Variants in RRN3 observed in about 807,000 individuals in gnomAD.
The protein encoded by RRN3 is RNA polymerase I-specific transcription initiation factor RRN3.
A neutral mutation model predicts 82.3 loss-of-function variants in RRN3; 38 were observed. That is an observed-to-expected ratio of 0.46 (90% confidence interval 0.36 to 0.61). The LOEUF (loss-of-function observed/expected upper bound fraction) is 0.61, where lower values mean the gene tolerates loss of function less well. Ranked by LOEUF, RRN3 falls within the 20% of genes least tolerant of loss-of-function variation. The pLI is 0.00. For synonymous variants in RRN3, 284 were observed against 284.3 expected (o/e 1.00, Z 0.01); for missense variants, 726 against 793.1 (o/e 0.92, Z 1.02).
At chr16:15,072,889 G>C in intron 12 of RRN3, 61 bp downstream of exon 12, 2 of 1,576,198 alleles carry the variant, frequency 1.3e-6, no homozygotes, top group Non-Finnish European at 1.7e-6. Flanking sequence ...CCAGTTTTTA[G>C]GGAAAATTTT....
Position 15,060,140 on chromosome 16 carries a change from CAG to C in RRN3, c.*1602_*1603del, listed in dbSNP as rs759889779. On this transcript the variant is annotated 3_prime_UTR_variant, in exon 18 of 18. Transcript: ENST00000198767. Reference sequence around the variant, plus strand: ...TTTCACAAACTCCTTTGAAATTAAACAGACTTATATGTAAATGTCTTTCTACA... The same window carrying C: ...TTTCACAAACTCCTTTGAAATTAAACACTTATATGTAAATGTCTTTCTACA... The C allele has an allele frequency of 5.5e-6, 2 of 365,174 alleles. No individual in the cohort carries two copies. The highest frequency in any genetic ancestry group is 2.2e-5 in the South Asian group (1 of 44,758). 22.6% of individuals were successfully genotyped at this position (365,174 alleles called of 1,614,324 possible). A position where few individuals can be genotyped will look rare whatever the true frequency, so the allele number is the denominator to read the frequency against.
At chr16:15,071,908 A>AT (rs1218394641) in intron 12 of RRN3, among the ~76,000 whole-genome samples, 1 of 152,232 alleles carries the variant, frequency 6.6e-6, no homozygotes, top group East Asian at 1.9e-4. Flanking sequence ...GTGACCAACA[A>AT]TAATTCACAT....
chr16:15,073,366 T>G (rs1312285061), intron 11 of RRN3, among the ~76,000 whole-genome samples: 1 of 152,128 alleles, frequency 6.6e-6, no homozygotes, highest in Non-Finnish European at 1.5e-5. Context: ...CTGAGGCGGA[T>G]GAACCGCTTG....
At chr16:15,070,437 C>G (rs2045175116) in intron 13 of RRN3, among the ~76,000 whole-genome samples, 183 bp from the exon 14 acceptor site, 1 of 151,696 alleles carries the variant, frequency 6.6e-6, no homozygotes, top group African/African-American at 2.4e-5. Flanking sequence ...CGTAGGAAGA[C>G]AACCTTCCAA....
intron 9 of RRN3, among the ~76,000 whole-genome samples, chr16:15,079,171 A>ACC (rs111707572): frequency 5.3e-5 from 8 of 151,536 alleles, no homozygotes; most frequent in South Asian, 2.1e-4. Flanking sequence ...ACAGGGAGCA[A>ACC]AGTTGAAGGA....
At chr16:15,074,056 A>G (rs544392788) in intron 11 of RRN3, among the ~76,000 whole-genome samples, 1 of 152,400 alleles carries the variant, frequency 6.6e-6, no homozygotes, top group East Asian at 1.9e-4. Flanking sequence ...AAAAAAGTCA[A>G]ACTTCAAAAT....
intron 8 of RRN3, among the ~76,000 whole-genome samples, chr16:15,080,319 GTTT>G (rs1476897440): frequency 6.6e-6 from 1 of 152,082 alleles, no homozygotes; most frequent in Non-Finnish European, 1.5e-5. Flanking sequence ...ATAACTATAG[GTTT>G]TTAAGTAGCT....
At chr16:15,065,851 C>A (rs1488154914) in intron 15 of RRN3, among the ~76,000 whole-genome samples, 5 of 152,118 alleles carry the variant, frequency 3.3e-5, no homozygotes, top group Non-Finnish European at 2.9e-5. Flanking sequence ...AAGAAATAAG[C>A]CTTTACTGAA....
chr16:15,076,534 C>T lies in RRN3; in HGVS notation c.858+24G>A, dbSNP rs757647261. 13 of 1,469,132 alleles carry T rather than the reference C, an allele frequency of 8.8e-6. 1 individual carries two copies. The South Asian group carries it at 1.5e-4, about 17-fold the overall frequency. 91.0% of individuals were successfully genotyped at this position (1,469,132 alleles called of 1,614,324 possible). ...CACCCTTTATGATAAACTTCATCTC[C>T]ACTTTCATTAATAAACTGCTAACCA... On this transcript the variant is annotated intron_variant, in intron 10 of 17. Coordinates refer to ENST00000198767, the MANE Select transcript of RRN3 (RefSeq NM_018427.5).
chr16:15,081,927 A>G (rs1175691554), intron 8 of RRN3, among the ~76,000 whole-genome samples: 2 of 152,174 alleles, frequency 1.3e-5, no homozygotes, highest in African/African-American at 4.8e-5. Context: ...CCCCTATTCA[A>G]TTGTCTTGAA....
intron 8 of RRN3, 100 bp downstream of exon 8, chr16:15,083,413 A>G (rs1236936393): frequency 1.9e-6 from 3 of 1,538,544 alleles, no homozygotes; most frequent in Admixed American, 4.3e-5. Flanking sequence ...AAGAAAAAGA[A>G]AAAGAAAGAC....
At chr16:15,072,596 A>C (rs972086718) in intron 12 of RRN3, among the ~76,000 whole-genome samples, 5 of 152,070 alleles carry the variant, frequency 3.3e-5, no homozygotes, top group African/African-American at 1.2e-4. Context: ...TGTGGTCAGG[A>C]GTTCAAGACC....
intron 8 of RRN3, 151 bp downstream of exon 8, chr16:15,083,362 G>C (rs2151807916): frequency 8.1e-7 from 1 of 1,241,330 alleles, no homozygotes. Flanking sequence ...TGACGCCATT[G>C]CACTCCAGCT....
intron 17 of RRN3, among the ~76,000 whole-genome samples, chr16:15,062,321 G>A (rs1366940228): frequency 1.3e-5 from 2 of 152,142 alleles, no homozygotes; most frequent in African/African-American, 2.4e-5. Flanking sequence ...CCCAGTGTTA[G>A]GAACTCTTGT....
intron 10 of RRN3, 29 bp from the exon 11 acceptor site, chr16:15,074,890 T>A: frequency 6.3e-7 from 1 of 1,585,454 alleles, no homozygotes; most frequent in South Asian, 1.1e-5. Flanking sequence ...AATACTAACA[T>A]TAAAAAATTC....
At chr16:15,079,926 G>A (rs1298931571) in intron 9 of RRN3, 72 bp downstream of exon 9, 1 of 1,436,496 alleles carries the variant, frequency 7.0e-7, no homozygotes, top group Non-Finnish European at 9.4e-7. Context: ...ACTGACTATT[G>A]TTTCCACATA....
At position 15,092,568 on chromosome 16, in the gene RRN3, G is replaced by A. The variant is rs781180811; in HGVS notation, c.136C>T (p.Pro46Ser). 5.6e-6 allele frequency: 9 copies of A among 1,613,464 alleles called. No homozygotes were observed. The highest frequency in any genetic ancestry group is 6.8e-6 in the Non-Finnish European group (8 of 1,179,542). Residue 46 changes from proline (P) to serine (S), a missense_variant, in exon 2 of 18, where the codon CCA becomes TCA. Pro to Ser is a moderately conservative substitution (Grantham distance 74, BLOSUM62 -1). Coordinates refer to ENST00000198767, the MANE Select transcript of RRN3 (RefSeq NM_018427.5). ...CCACCAAACCGAACAGTTTTTCTTG[G>A]GGGAGAATTGAAAAAGTCATTCTCT... ...ALENDFFNSP[P>S]RKTVRFGGTV...
rs745774919 is a variant in RRN3, at chr16:15,071,101, C to T, written c.1259+20G>A. 5.0e-6 allele frequency: 8 copies of T among 1,586,534 alleles called. No individual in the cohort carries two copies. Among genetic ancestry groups the T allele is most frequent in the South Asian group, 3.5e-5 (3 of 86,866 alleles). Reference sequence around the variant, plus strand: ...TTAAAGCATGATATTAAAAAGTATTCGGAAAATTAGGCTACTTACATAAGA... The same window carrying T: ...TTAAAGCATGATATTAAAAAGTATTTGGAAAATTAGGCTACTTACATAAGA... On this transcript the variant is annotated intron_variant, in intron 13 of 17. Coordinates refer to ENST00000198767, the MANE Select transcript of RRN3 (RefSeq NM_018427.5).
chr16:15,062,624 A>T (rs925503945), intron 17 of RRN3, among the ~76,000 whole-genome samples: 2 of 152,198 alleles, frequency 1.3e-5, no homozygotes, highest in African/African-American at 4.8e-5. Flanking sequence ...TATAAAACTA[A>T]TGTAAACTGC....
Sources: gnomAD v4.1 joint callset for allele counts (sites outside exome capture counted in the v4.1 genomes callset) on GRCh38, gnomAD v4.1.1 for gene constraint, MANE v1.5 for transcripts, NCBI Gene and HGNC (gene_info 2026-07-23, HGNC 2026-07-21) for gene names.